HDLBP: variants seen among roughly 807,000 people sequenced by gnomAD.
HDLBP encodes the protein high density lipoprotein binding protein, also known as vigilin.
A neutral mutation model predicts 137.3 loss-of-function variants in HDLBP; 30 were observed. The observed-to-expected ratio is 0.22, with a 90% confidence interval of 0.16 to 0.30. HDLBP has a LOEUF of 0.30. Among genes scored for constraint, HDLBP ranks in the 10% least tolerant of loss-of-function variants. The pLI is 1.00. For missense variants in HDLBP, 1,119 were observed against 1,667.3 expected, an observed-to-expected ratio of 0.67 and a Z score of 5.73; for synonymous variants, 606 against 596.0, an observed-to-expected ratio of 1.02 and a Z score of -0.24.
intron 1 of HDLBP, among the ~76,000 whole-genome samples, chr2:241,293,036 GAA>G (rs140206106): frequency 0.16 from 24,031 of 152,030 alleles, 2,083 homozygotes; most frequent in Middle Eastern, 0.27. Flanking sequence ...CAGAAAAGAA[GAA>G]AGAGCAAAGA....
chr2:241,236,516 C>T (rs891096927), intron 21 of HDLBP, 99 bp downstream of exon 21: 49 of 1,243,934 alleles, frequency 3.9e-5, no homozygotes, highest in Middle Eastern at 4.4e-4. Flanking sequence ...CTGCCACTGC[C>T]GCTTGGGCAA....
intron 4 of HDLBP, among the ~76,000 whole-genome samples, chr2:241,264,218 C>T (rs1259457544): frequency 4.6e-5 from 7 of 151,442 alleles, no homozygotes; most frequent in African/African-American, 1.5e-4. Flanking sequence ...AAAAATTAGC[C>T]GGGCGTGGTG....
At chr2:241,263,381 C>G (rs891853623) in intron 4 of HDLBP, among the ~76,000 whole-genome samples, 3 of 152,174 alleles carry the variant, frequency 2.0e-5, no homozygotes, top group African/African-American at 7.2e-5. Context: ...GATCACCCAT[C>G]CCACCCTGTA....
chr2:241,266,751 T>G (rs1229243399), intron 3 of HDLBP, 43 bp downstream of exon 3: 1 of 1,236,096 alleles, frequency 8.1e-7, no homozygotes, highest in African/African-American at 1.5e-5. Flanking sequence ...GAGGGAGCAA[T>G]GCCTTAGACA....
At chr2:241,247,216 A>T in intron 14 of HDLBP, 74 bp from the exon 15 acceptor site, 1 of 939,078 alleles carries the variant, frequency 1.1e-6, no homozygotes, top group African/African-American at 1.6e-5. Context: ...TCTACCCCTA[A>T]GGGTAGCATG....
intron 1 of HDLBP, chr2:241,315,150 C>T (rs1227077870): frequency 6.6e-6 from 1 of 152,260 alleles, no homozygotes; most frequent in Non-Finnish European, 1.5e-5. Context: ...GCCAGCTCCG[C>T]CCTCCCCCGC....
Position 241,311,117 on chromosome 2 carries a change from A to G in HDLBP, c.-103+4453T>C, listed in dbSNP as rs191032425. Among the ~76,000 whole-genome samples the G allele has an allele frequency of 5.7e-3, 862 of 152,160 alleles. 16 individuals carry two copies. The highest frequency in any genetic ancestry group is 0.019 in the African/African-American group (800 of 41,502). On this transcript the variant is annotated intron_variant, in intron 1 of 27. Transcript: ENST00000310931. ...CAACAGAGCAAGACGCTGTGTCTCA[A>G]AAAAAAACAAAAGAAAGAAAGAAGA...
At chr2:241,306,292 G>C (rs1398671475) in intron 1 of HDLBP, among the ~76,000 whole-genome samples, 1 of 150,088 alleles carries the variant, frequency 6.7e-6, no homozygotes, top group Non-Finnish European at 1.5e-5. Flanking sequence ...ATGGAGTCTT[G>C]TTCTTGTTGC....
At chr2:241,283,784 T>A (rs532614587) in intron 1 of HDLBP, among the ~76,000 whole-genome samples, 1 of 152,302 alleles carries the variant, frequency 6.6e-6, no homozygotes, top group South Asian at 2.1e-4. Flanking sequence ...AATAGCTAGA[T>A]CGCTTCTAAG....
chr2:241,233,548 A>G lies in HDLBP; in HGVS notation c.3288+272T>C, dbSNP rs1262641443. On this transcript the variant is annotated intron_variant, in intron 24 of 27. Transcript: ENST00000310931. The surrounding 1 kb of genome is among the most constrained non-coding windows in gnomAD (Gnocchi z 4.3). The stretch of plus-strand genomic sequence containing the variant: ...CTACACCTGGAGGCGCCACTGATCA[A>G]GGACCCAGCTGGAGCTCCTGCTCAT... Among the ~76,000 whole-genome samples, 2 of 152,124 alleles carry G rather than the reference A, an allele frequency of 1.3e-5. No individual in the cohort carries two copies.
intron 1 of HDLBP, among the ~76,000 whole-genome samples, chr2:241,291,347 A>G (rs1341698781): frequency 6.6e-6 from 1 of 152,212 alleles, no homozygotes; most frequent in East Asian, 1.9e-4. Flanking sequence ...TGTGACAGGC[A>G]GGCAGGGAGC....
At chr2:241,309,849 A>G (rs1019874969) in intron 1 of HDLBP, among the ~76,000 whole-genome samples, 2 of 152,242 alleles carry the variant, frequency 1.3e-5, no homozygotes, top group African/African-American at 4.8e-5. Context: ...TTGGCCACTC[A>G]GCCAGGCAAA....
At chr2:241,312,045 G>A (rs774184595) in intron 1 of HDLBP, among the ~76,000 whole-genome samples, 2 of 152,204 alleles carry the variant, frequency 1.3e-5, no homozygotes, top group Non-Finnish European at 2.9e-5. Flanking sequence ...ATACTCTGCA[G>A]GGGAGGAAAC....
intron 1 of HDLBP, among the ~76,000 whole-genome samples, chr2:241,294,978 T>C (rs2075125383): frequency 6.6e-6 from 1 of 152,138 alleles, no homozygotes; most frequent in East Asian, 1.9e-4. Context: ...GGTGGGTGCC[T>C]GTGATCCCAG....
chr2:241,227,579 A>C lies in HDLBP; in HGVS notation c.*2022T>G, dbSNP rs145346443. On this transcript the variant is annotated 3_prime_UTR_variant, in exon 28 of 28. Transcript: ENST00000310931. Reference sequence around the variant, plus strand: ...CCCTTGCAACAACCACCCAAAGGAAAAGAGAGCGCTGAACAGTTTAGGAAA... The same window carrying C: ...CCCTTGCAACAACCACCCAAAGGAACAGAGAGCGCTGAACAGTTTAGGAAA... The C allele has an allele frequency of 6.5e-6, 1 of 152,794 alleles. No homozygotes were observed. Among genetic ancestry groups the C allele is most frequent in the African/African-American group, 2.4e-5 (1 of 41,572 alleles). The allele number at this position is 152,794 out of a possible 1,614,324, so 9.5% of individuals were successfully genotyped here. A position where few individuals can be genotyped will look rare whatever the true frequency, so the allele number is the denominator to read the frequency against.
In HDLBP at chr2:241,233,680, C is replaced by A; in HGVS notation, c.3288+140G>T. On this transcript the variant is annotated intron_variant, in intron 24 of 27. Coordinates refer to ENST00000310931, the MANE Select transcript of HDLBP (RefSeq NM_005336.6). This position sits in a 1 kb window ranked among gnomAD's most constrained non-coding sequence, Gnocchi z 4.3. Reference sequence around the variant, plus strand: ...CCGAGACACAGCCCAAACCTCAAGCCAGAATTAGGTCCTGAGAGACTTGCC... The same window carrying A: ...CCGAGACACAGCCCAAACCTCAAGCAAGAATTAGGTCCTGAGAGACTTGCC... 1 of 866,156 alleles carries A rather than the reference C, an allele frequency of 1.2e-6. No individual in the cohort carries two copies. The allele number at this position is 866,156 out of a possible 1,614,324, so 53.7% of individuals were successfully genotyped here.
At position 241,272,902 on chromosome 2, in the gene HDLBP, C is replaced by T; in HGVS notation, c.-102-4361G>A. 1.7e-6 allele frequency: 1 copy of T among 573,120 alleles called. No homozygotes were observed. The highest frequency in any genetic ancestry group is 2.2e-6 in the Non-Finnish European group (1 of 453,258). 35.5% of individuals were successfully genotyped at this position (573,120 alleles called of 1,614,324 possible). A position where few individuals can be genotyped will look rare whatever the true frequency, so the allele number is the denominator to read the frequency against. ...AATCCCGCCTGGACACGTCAGCGCC[C>T]GCCCGCCCCGCCGCTGGGGTCCCCG... On this transcript the variant is annotated intron_variant, in intron 1 of 27. Coordinates refer to ENST00000310931, the MANE Select transcript of HDLBP (RefSeq NM_005336.6). The surrounding 1 kb of genome is among the most constrained non-coding windows in gnomAD (Gnocchi z 5.6).
rs1024780809 is a variant in HDLBP at position 241,264,376 on chromosome 2, GAA to G, written c.234+70_234+71del. 10 of 953,092 alleles carry G rather than the reference GAA, an allele frequency of 1.0e-5. No individual in the cohort carries two copies. The Admixed American group carries it at 2.3e-4, about 22-fold the overall frequency. 59.0% of individuals were successfully genotyped at this position (953,092 alleles called of 1,614,324 possible). A position where few individuals can be genotyped will look rare whatever the true frequency, so the allele number is the denominator to read the frequency against. On this transcript the variant is annotated intron_variant, in intron 4 of 27. Transcript: ENST00000310931. ...GACTCTGTCTCAAAAAAAAAAAAAAGAAAAAAAATTTAAAAATTTACATAGAC... is the reference window on the plus strand; with the variant it reads ...GACTCTGTCTCAAAAAAAAAAAAAAGAAAAAATTTAAAAATTTACATAGAC...
intron 4 of HDLBP, 72 bp from the exon 5 acceptor site, chr2:241,262,998 A>C: frequency 8.5e-7 from 1 of 1,178,782 alleles, no homozygotes; most frequent in Non-Finnish European, 1.2e-6. Context: ...AGTAAAGAAC[A>C]TGTGTTCATC....
Sources: gnomAD v4.1 joint callset for allele counts (sites outside exome capture counted in the v4.1 genomes callset) on GRCh38, gnomAD v4.1.1 for gene constraint, Gnocchi (gnomAD v3.1) non-coding constraint, MANE v1.5 for transcripts, NCBI Gene and HGNC (gene_info 2026-07-23, HGNC 2026-07-21) for gene names.